PCDHGB7: variants seen among roughly 807,000 people sequenced by gnomAD.
PCDHGB7 encodes the protein protocadherin gamma-B7.
In PCDHGB7, 37 loss-of-function variants were observed where a neutral mutation model predicts 61.4. The ratio of observed to expected loss-of-function variants is 0.60; its 90% confidence interval spans 0.46 to 0.79. The LOEUF is 0.79. PCDHGB7 is among the 30% of genes least tolerant of loss of function. PCDHGB7 has a pLI of 0.00. For missense variants in PCDHGB7, 1,166 were observed against 1,202.5 expected (o/e 0.97, Z 0.45); for synonymous variants, 464 against 503.5 (o/e 0.92, Z 1.05).
intron 1 of PCDHGB7, among the ~76,000 whole-genome samples, chr5:141,472,508 C>T (rs140607073): frequency 0.01 from 1,548 of 151,922 alleles, 35 homozygotes; most frequent in African/African-American, 0.035. Flanking sequence ...CCACTGCACT[C>T]CAGCCTGGGT....
Position 141,422,887 on chromosome 5 carries a change from C to G in PCDHGB7, c.2415+2613C>G, listed in dbSNP as rs2154549815. ...CAACGTGTCGCTGAGCCTGTTCGTG[C>G]TGGACCAGAACGACAATGCGCCCGA... On this transcript the variant is annotated intron_variant, in intron 1 of 3. Coordinates refer to ENST00000398594, the MANE Select transcript of PCDHGB7 (RefSeq NM_018927.4). The G allele has an allele frequency of 2.5e-6, 4 of 1,614,264 alleles. No homozygotes were observed. In the Middle Eastern group the frequency reaches 4.9e-4, roughly 200 times the overall value.
At chr5:141,505,567 T>A in intron 3 of PCDHGB7, 86 bp downstream of exon 3, 2 of 1,599,440 alleles carry the variant, frequency 1.3e-6, no homozygotes, top group Non-Finnish European at 1.7e-6. Context: ...ACGGACTGGA[T>A]GTCAAACCTG....
At chr5:141,427,966 T>C (rs1458559803) in intron 1 of PCDHGB7, 10 of 1,590,764 alleles carry the variant, frequency 6.3e-6, no homozygotes, top group African/African-American at 1.3e-5. Flanking sequence ...CCGCGGGTGC[T>C]GTACCCCGCG....
At position 141,490,874 on chromosome 5, in the gene PCDHGB7, A is replaced by T. The variant is rs368927472; in HGVS notation, c.2416-3933A>T. 2 of 1,613,948 alleles carry T rather than the reference A, an allele frequency of 1.2e-6. No homozygotes were observed. Among genetic ancestry groups the T allele is most frequent in the Non-Finnish European group, 1.7e-6 (2 of 1,179,952 alleles). On this transcript the variant is annotated intron_variant, in intron 1 of 3. Transcript: ENST00000398594. The surrounding 1 kb of genome is among the most constrained non-coding windows in gnomAD (Gnocchi z 5.4). The stretch of plus-strand genomic sequence containing the variant: ...CGAGACTCCGGCTCTCCCCCATTGC[A>T]TGCCAACACATCTCTGCATGTGTTT...
chr5:141,451,521 T>A (rs1164313767), intron 1 of PCDHGB7, among the ~76,000 whole-genome samples: 2 of 152,148 alleles, frequency 1.3e-5, no homozygotes, highest in African/African-American at 4.8e-5. Flanking sequence ...TTAGAGCAAG[T>A]AAAGGAGAGT....
chr5:141,509,442 T>C (rs1473514859), intron 3 of PCDHGB7, among the ~76,000 whole-genome samples: 3 of 152,008 alleles, frequency 2.0e-5, no homozygotes, highest in Non-Finnish European at 2.9e-5. Flanking sequence ...TGTTTCCTCC[T>C]CTCCCACCCC....
At chr5:141,459,531 A>G (rs1479666418) in intron 1 of PCDHGB7, among the ~76,000 whole-genome samples, 2 of 152,184 alleles carry the variant, frequency 1.3e-5, no homozygotes, top group Admixed American at 1.3e-4. Context: ...TTTTGTAGGC[A>G]TATTTTTTTT....
chr5:141,489,205 G>A lies in PCDHGB7; in HGVS notation c.2416-5602G>A. 2.1e-6 allele frequency: 3 copies of A among 1,438,682 alleles called. No homozygotes were observed. Among genetic ancestry groups the A allele is most frequent in the Non-Finnish European group, 1.9e-6 (2 of 1,060,944 alleles). 89.1% of individuals were successfully genotyped at this position (1,438,682 alleles called of 1,614,324 possible). On this transcript the variant is annotated intron_variant, in intron 1 of 3. Coordinates refer to ENST00000398594, the MANE Select transcript of PCDHGB7 (RefSeq NM_018927.4). The surrounding 1 kb of genome is among the most constrained non-coding windows in gnomAD (Gnocchi z 4.5). ...CTGGGTCTACCTTGGAGACAGGACA[G>A]CACAGACTTACTCTCCACAAAGGGA...
In PCDHGB7 at chr5:141,432,976, C is replaced by A. The variant is rs373558125; in HGVS notation, c.2415+12702C>A. The stretch of plus-strand genomic sequence containing the variant: ...GCTTGACAGGAGCGCCGGCGTCGCA[C>A]TTTGTGGGCGTGGACGGGGTGCAGG... On this transcript the variant is annotated intron_variant, in intron 1 of 3. Coordinates refer to ENST00000398594, the MANE Select transcript of PCDHGB7 (RefSeq NM_018927.4). This position sits in a 1 kb window ranked among gnomAD's most constrained non-coding sequence, Gnocchi z 6.0. 1 of 1,614,210 alleles carries A rather than the reference C, an allele frequency of 6.2e-7. No individual in the cohort carries two copies.
Position 141,431,887 on chromosome 5 carries a change from T to G in PCDHGB7, c.2415+11613T>G. ...TTTTAAATGTAAATGACCAAGATTC[T>G]GAGGAAAACGGACAGGTGATCTGTT... On this transcript the variant is annotated intron_variant, in intron 1 of 3. Transcript: ENST00000398594. The surrounding 1 kb of genome is among the most constrained non-coding windows in gnomAD (Gnocchi z 4.8). 6.2e-7 allele frequency: 1 copy of G among 1,614,190 alleles called. No individual in the cohort carries two copies. Among genetic ancestry groups the G allele is most frequent in the Non-Finnish European group, 8.5e-7 (1 of 1,179,996 alleles).
chr5:141,422,853 C>T (rs746989617), intron 1 of PCDHGB7: 8 of 1,614,264 alleles, frequency 5.0e-6, no homozygotes, highest in South Asian at 3.3e-5. Flanking sequence ...GGGACCCGCC[C>T]CTCAGCAGCA....
At position 141,491,823 on chromosome 5, in the gene PCDHGB7, C is replaced by G; in HGVS notation, c.2416-2984C>G. Reference sequence around the variant, plus strand: ...GCCGGCTTGGTCGCTGGCTGCGCTCCACCCGATTCTCGGGATCATTGGACC... The same window carrying G: ...GCCGGCTTGGTCGCTGGCTGCGCTCGACCCGATTCTCGGGATCATTGGACC... On this transcript the variant is annotated intron_variant, in intron 1 of 3. Transcript: ENST00000398594. The surrounding 1 kb of genome is among the most constrained non-coding windows in gnomAD (Gnocchi z 6.9). The G allele has an allele frequency of 6.8e-7, 1 of 1,479,156 alleles. No individual in the cohort carries two copies. Among genetic ancestry groups the G allele is most frequent in the Non-Finnish European group, 9.0e-7 (1 of 1,115,292 alleles). 91.6% of individuals were successfully genotyped at this position (1,479,156 alleles called of 1,614,324 possible). A position where few individuals can be genotyped will look rare whatever the true frequency, so the allele number is the denominator to read the frequency against.
Position 141,432,726 on chromosome 5 carries a change from C to T in PCDHGB7, c.2415+12452C>T, listed in dbSNP as rs777248611. The T allele has an allele frequency of 3.1e-6, 5 of 1,614,092 alleles. No homozygotes were observed. Among genetic ancestry groups the T allele is most frequent in the Non-Finnish European group, 3.4e-6 (4 of 1,179,998 alleles). On this transcript the variant is annotated intron_variant, in intron 1 of 3. Coordinates refer to ENST00000398594, the MANE Select transcript of PCDHGB7 (RefSeq NM_018927.4). This position sits in a 1 kb window ranked among gnomAD's most constrained non-coding sequence, Gnocchi z 6.0. ...GACCACGGCCAGCCCCCTCTCTCCG[C>T]CACTGTCACGCTCACCGTGGCCGTG...
At chr5:141,454,850 C>T (rs1208208678) in intron 1 of PCDHGB7, among the ~76,000 whole-genome samples, 3 of 132,848 alleles carry the variant, frequency 2.3e-5, no homozygotes, top group Non-Finnish European at 4.6e-5. Flanking sequence ...CTCTGTCACC[C>T]AGGCTGGAGT....
intron 2 of PCDHGB7, among the ~76,000 whole-genome samples, chr5:141,503,598 C>CAAAAAAA (rs765754054): frequency 1.5e-5 from 1 of 65,730 alleles, no homozygotes; most frequent in Non-Finnish European, 3.4e-5. Flanking sequence ...GACTCCAGCT[C>CAAAAAAA]AAAAAAAAAA....
At chr5:141,461,409 A>G (rs572412049) in intron 1 of PCDHGB7, among the ~76,000 whole-genome samples, 1 of 151,928 alleles carries the variant, frequency 6.6e-6, no homozygotes, top group East Asian at 1.9e-4. Flanking sequence ...GCATTTTTTC[A>G]TATGTTTGTG....
chr5:141,439,443 G>A (rs867907022), intron 1 of PCDHGB7, among the ~76,000 whole-genome samples: 1 of 152,164 alleles, frequency 6.6e-6, no homozygotes, highest in Non-Finnish European at 1.5e-5. Flanking sequence ...ATATTTTATT[G>A]CGGGAGCAAG....
intron 1 of PCDHGB7, among the ~76,000 whole-genome samples, chr5:141,463,179 A>G (rs1261927835): frequency 6.6e-6 from 1 of 152,082 alleles, no homozygotes; most frequent in Non-Finnish European, 1.5e-5. Context: ...GTATGCTCAG[A>G]TTATTATTTA....
chr5:141,474,500 C>G (rs183956979), intron 1 of PCDHGB7, among the ~76,000 whole-genome samples: 31 of 152,324 alleles, frequency 2.0e-4, no homozygotes, highest in African/African-American at 6.3e-4. Context: ...CTTCTAATGC[C>G]TATCAGCCCT....
Sources: gnomAD v4.1 joint callset for allele counts (sites outside exome capture counted in the v4.1 genomes callset) on GRCh38, gnomAD v4.1.1 for gene constraint, Gnocchi (gnomAD v3.1) non-coding constraint, MANE v1.5 for transcripts, NCBI Gene and HGNC (gene_info 2026-07-23, HGNC 2026-07-21) for gene names.